CAMTA1: variants seen among roughly 807,000 people sequenced by gnomAD.
The protein encoded by CAMTA1 is calmodulin-binding transcription activator 1.
CAMTA1 carries 27 observed loss-of-function variants against 170.9 expected under a neutral mutation model. That is an observed-to-expected ratio of 0.16 (90% CI 0.12 to 0.22). The LOEUF (loss-of-function observed/expected upper bound fraction) is 0.22. Among genes scored for constraint, CAMTA1 ranks in the 10% least tolerant of loss-of-function variants. The pLI is 1.00. For synonymous variants in CAMTA1, 833 were observed against 891.5 expected (o/e 0.93, Z 1.17); for missense variants, 1,619 against 2,217.2 (o/e 0.73, Z 5.42).
At chr1:7,411,777 C>T (rs2090777358) in intron 5 of CAMTA1, among the ~76,000 whole-genome samples, 3 of 151,714 alleles carry the variant, frequency 2.0e-5, no homozygotes, top group Admixed American at 1.3e-4. Flanking sequence ...TATTATTATA[C>T]TTTAAGTTTT....
In CAMTA1 at chr1:7,093,128, G is replaced by A. The variant is rs1641676826; in HGVS notation, c.302+1757G>A. On this transcript the variant is annotated intron_variant, in intron 4 of 22. Transcript: ENST00000303635. The surrounding 1 kb of genome is among the most constrained non-coding windows in gnomAD (Gnocchi z 4.6). ...CATGCTCATTTCCCCTTTCTTCTGC[G>A]GCATCTTCTTGGAGGACATCATTCT... 6.6e-6 allele frequency among the ~76,000 whole-genome samples: 1 copy of A among 152,140 alleles called. No homozygotes were observed. The highest frequency in any genetic ancestry group is 2.4e-5 in the African/African-American group (1 of 41,428).
At chr1:6,890,736 GAT>G (rs1674337884) in intron 3 of CAMTA1, among the ~76,000 whole-genome samples, 1 of 151,946 alleles carries the variant, frequency 6.6e-6, no homozygotes, top group African/African-American at 2.4e-5. Context: ...ATGCCCAGCT[GAT>G]TTCTTAATTT....
At chr1:7,624,503 A>G (rs907590132) in intron 6 of CAMTA1, among the ~76,000 whole-genome samples, 3 of 152,246 alleles carry the variant, frequency 2.0e-5, no homozygotes, top group African/African-American at 7.2e-5. Flanking sequence ...GTACCCAGAA[A>G]GGCCCTTGCC....
At chr1:7,599,477 A>G (rs1396705643) in intron 6 of CAMTA1, among the ~76,000 whole-genome samples, 3 of 152,210 alleles carry the variant, frequency 2.0e-5, no homozygotes, top group African/African-American at 7.2e-5. Flanking sequence ...TTCTGTGAAG[A>G]AAGTCATTGG....
At chr1:7,542,711 T>G (rs1274974954) in intron 6 of CAMTA1, among the ~76,000 whole-genome samples, 1 of 151,996 alleles carries the variant, frequency 6.6e-6, no homozygotes, top group Non-Finnish European at 1.5e-5. Flanking sequence ...GTATTTTTAG[T>G]AGAGACGGGA....
At chr1:7,721,490 C>G (rs1432099671) in intron 11 of CAMTA1, among the ~76,000 whole-genome samples, 5 of 152,144 alleles carry the variant, frequency 3.3e-5, no homozygotes, top group African/African-American at 1.2e-4. Flanking sequence ...CTGAGCCACA[C>G]TCTGAAGAGT....
intron 5 of CAMTA1, among the ~76,000 whole-genome samples, chr1:7,263,029 T>C (rs1668398208): frequency 6.6e-6 from 1 of 152,160 alleles, no homozygotes. Flanking sequence ...GATTAATGAA[T>C]ACTTTCAGAC....
intron 3 of CAMTA1, among the ~76,000 whole-genome samples, chr1:6,926,438 C>CTT (rs1314065060): frequency 8.4e-4 from 106 of 126,188 alleles, no homozygotes; most frequent in Middle Eastern, 4.0e-3. Flanking sequence ...TCTTTCTTTT[C>CTT]TCTTTCTTTC....
At chr1:7,679,405 C>G (rs1286974023) in intron 11 of CAMTA1, among the ~76,000 whole-genome samples, 1 of 152,166 alleles carries the variant, frequency 6.6e-6, no homozygotes, top group Non-Finnish European at 1.5e-5. Context: ...CCCTGGAAAC[C>G]CAGAGAGCCA....
intron 4 of CAMTA1, among the ~76,000 whole-genome samples, chr1:7,178,375 A>G (rs1467027300): frequency 6.6e-6 from 1 of 152,174 alleles, no homozygotes; most frequent in African/African-American, 2.4e-5. Context: ...TGCCTACCAA[A>G]TGAAGGCTCA....
At chr1:7,602,659 G>C (rs1484102179) in intron 6 of CAMTA1, among the ~76,000 whole-genome samples, 1 of 152,130 alleles carries the variant, frequency 6.6e-6, no homozygotes, top group African/African-American at 2.4e-5. Context: ...ATTTCCTTCA[G>C]TTCTGCTCTG....
chr1:6,869,510 AG>A (rs1386208764), intron 3 of CAMTA1, among the ~76,000 whole-genome samples: 1 of 152,142 alleles, frequency 6.6e-6, no homozygotes, highest in Non-Finnish European at 1.5e-5. Flanking sequence ...GTTACTCCCT[AG>A]GGTTGCATTG....
At chr1:7,265,521 C>T (rs1668790727) in intron 5 of CAMTA1, among the ~76,000 whole-genome samples, 1 of 152,066 alleles carries the variant, frequency 6.6e-6, no homozygotes, top group Non-Finnish European at 1.5e-5. Flanking sequence ...GCCATGTTGG[C>T]CAGGCTGGTC....
Position 6,793,760 on chromosome 1 carries a change from T to C in CAMTA1, c.45+8185T>C, listed in dbSNP as rs75848811. Among the ~76,000 whole-genome samples the C allele has an allele frequency of 1.6e-4, 24 of 152,374 alleles. No homozygotes were observed. The East Asian group carries it at 4.6e-3, about 29-fold the overall frequency. The stretch of plus-strand genomic sequence containing the variant: ...TTTTACAAGTTTTGAAAAAAAGTTA[T>C]TGTCTATTTTTCCTTCATGGTGCTT... On this transcript the variant is annotated intron_variant, in intron 1 of 22. Coordinates refer to ENST00000303635, the MANE Select transcript of CAMTA1 (RefSeq NM_015215.4).
Position 7,685,601 on chromosome 1 carries a change from T to A in CAMTA1, c.2914+7868T>A, listed in dbSNP as rs2096251518. On this transcript the variant is annotated intron_variant, in intron 11 of 22. Coordinates refer to ENST00000303635, the MANE Select transcript of CAMTA1 (RefSeq NM_015215.4). The surrounding 1 kb of genome is among the most constrained non-coding windows in gnomAD (Gnocchi z 5.7). ...GCTCCTCAGTCTCCAAGCTTCTCCT[T>A]CCAAAATTCTCTGTCATGTCCCCAT... Among the ~76,000 whole-genome samples, 1 of 152,096 alleles carries A rather than the reference T, an allele frequency of 6.6e-6. No individual in the cohort carries two copies. Among genetic ancestry groups the A allele is most frequent in the African/African-American group, 2.4e-5 (1 of 41,404 alleles).
chr1:7,330,404 T>A (rs1452435485), intron 5 of CAMTA1, among the ~76,000 whole-genome samples: 4 of 152,174 alleles, frequency 2.6e-5, no homozygotes, highest in African/African-American at 9.7e-5. Flanking sequence ...TTGTCGTGCC[T>A]TTCCTACCCG....
intron 3 of CAMTA1, among the ~76,000 whole-genome samples, chr1:6,833,071 C>T (rs1407037748): frequency 3.3e-5 from 5 of 152,012 alleles, no homozygotes; most frequent in African/African-American, 1.2e-4. Context: ...AAAGCTGGGG[C>T]GGAATGTCCT....
intron 6 of CAMTA1, among the ~76,000 whole-genome samples, chr1:7,611,745 G>A (rs1384707236): frequency 6.6e-6 from 1 of 152,256 alleles, no homozygotes; most frequent in Non-Finnish European, 1.5e-5. Context: ...GGGTAAGGTG[G>A]GGGCAGCTGC....
At chr1:6,814,751 C>A (rs1297749357) in intron 1 of CAMTA1, among the ~76,000 whole-genome samples, 2 of 152,168 alleles carry the variant, frequency 1.3e-5, no homozygotes, top group African/African-American at 4.8e-5. Context: ...TGCTAAGATT[C>A]AGGCGCGGCT....
Sources: gnomAD v4.1 joint callset for allele counts (sites outside exome capture counted in the v4.1 genomes callset) on GRCh38, gnomAD v4.1.1 for gene constraint, Gnocchi (gnomAD v3.1) non-coding constraint, MANE v1.5 for transcripts, NCBI Gene and HGNC (gene_info 2026-07-23, HGNC 2026-07-21) for gene names.